Variants in SERPINH1 observed in about 807,000 individuals in gnomAD.
SERPINH1 encodes the protein serpin H1.
Under a neutral mutation model 32.3 loss-of-function variants are expected in SERPINH1, and 22 were observed. The ratio of observed to expected loss-of-function variants is 0.68; its 90% CI spans 0.49 to 0.97. The LOEUF is 0.97. Among genes scored for constraint, SERPINH1 ranks in the 50% least tolerant of loss-of-function variants. The pLI, the probability that SERPINH1 is intolerant of heterozygous loss-of-function variation, is 0.00. For synonymous variants in SERPINH1, 251 were observed against 245.9 expected (o/e 1.02, Z -0.19); for missense variants, 543 against 576.4 (o/e 0.94, Z 0.59).
Position 75,566,946 on chromosome 11 carries a change from G to A in SERPINH1, c.597G>A (p.Leu199=). ...ACGTGGAGCGCACGGACGGCGCCCT[G>A]CTAGTCAACGCCATGTTCTTCAAGC... ...TKDVERTDGA[L]LVNAMFFKPH... is the part of the protein sequence containing the mutation. Residue 199 remains leucine (L), a synonymous_variant, in exon 2 of 5, where the codon CTG becomes CTA. Transcript: ENST00000358171. 1 of 1,602,014 alleles carries A rather than the reference G, an allele frequency of 6.2e-7. No homozygotes were observed. Among genetic ancestry groups the A allele is most frequent in the Non-Finnish European group, 8.5e-7 (1 of 1,179,090 alleles).
chr11:75,566,261 G>T, intron 1 of SERPINH1, 55 bp from the exon 2 acceptor site: 1 of 1,475,562 alleles, frequency 6.8e-7, no homozygotes, highest in Non-Finnish European at 9.3e-7. Context: ...GAGGGTGGTT[G>T]TTGGGGAGGA....
chr11:75,566,850 CAGCGCGCTGCAGTCCATCAACGAGT>C lies in SERPINH1; in HGVS notation c.502_526del (p.Ser168GlyfsTer25). 2 of 1,612,024 alleles carry C rather than the reference CAGCGCGCTGCAGTCCATCAACGAGT, an allele frequency of 1.2e-6. No individual in the cohort carries two copies. The highest frequency in any genetic ancestry group is 2.2e-5 in the South Asian group (2 of 91,090). On this transcript the variant is annotated frameshift_variant, in exon 2 of 5. Coordinates refer to ENST00000358171, the MANE Select transcript of SERPINH1 (RefSeq NM_001235.5). LOFTEE classifies it high-confidence loss of function. ...CCAAGATCAACTTCCGCGACAAGCG[CAGCGCGCTGCAGTCCATCAACGAGT>C]GGGCCGCGCAGACCACCGACGGCAA...
intron 1 of SERPINH1, among the ~76,000 whole-genome samples, chr11:75,564,270 G>A (rs1362382933): frequency 6.6e-6 from 1 of 152,240 alleles, no homozygotes; most frequent in Non-Finnish European, 1.5e-5. Flanking sequence ...GGCCTAGCGG[G>A]CTGCCTGAGG....
chr11:75,568,365 G>A, intron 2 of SERPINH1: 1 of 370,550 alleles, frequency 2.7e-6, no homozygotes, highest in Non-Finnish European at 5.2e-6. Flanking sequence ...CTGTCCCCCA[G>A]GTACCAGGGA....
At chr11:75,564,052 G>A (rs1942030403) in intron 1 of SERPINH1, among the ~76,000 whole-genome samples, 1 of 152,220 alleles carries the variant, frequency 6.6e-6, no homozygotes, top group South Asian at 2.1e-4. Flanking sequence ...CTCCCCAGTA[G>A]CGCATTTCCC....
chr11:75,568,945 A>G lies in SERPINH1; in HGVS notation c.728A>G (p.Tyr243Cys). 1.2e-6 allele frequency: 2 copies of G among 1,613,918 alleles called. No individual in the cohort carries two copies. The highest frequency in any genetic ancestry group is 1.7e-6 in the Non-Finnish European group (2 of 1,179,974). Residue 243 changes from tyrosine to cysteine, a missense_variant, in exon 4 of 5, where the codon TAC becomes TGC. Tyr to Cys is a radical substitution (Grantham distance 194). This residue lies in a region of SERPINH1 where 427 missense variants were observed against 446.4 expected (regional missense o/e 0.96). Transcript: ENST00000358171. ...CTTTCCGCTCCTCTCCCAGGCCTCT[A>G]CAACTACTACGACGACGAGAAGGAA... ...GVMMMHRTGL[Y>C]NYYDDEKEKL...
At chr11:75,570,427 C>G (rs74913812) in intron 4 of SERPINH1, among the ~76,000 whole-genome samples, 4,467 of 152,278 alleles carry the variant, frequency 0.029, 229 homozygotes, top group African/African-American at 0.1. Context: ...AGCCCCTTCT[C>G]CAGTGGCTGT....
At chr11:75,565,974 G>C (rs542259315) in intron 1 of SERPINH1, among the ~76,000 whole-genome samples, 94 of 152,364 alleles carry the variant, frequency 6.2e-4, no homozygotes, top group African/African-American at 2.0e-3. Context: ...GGGAGATATA[G>C]TGGCAACCAG....
In SERPINH1 at chr11:75,566,849, G is replaced by T; in HGVS notation, c.500G>T (p.Arg167Leu). 1 of 1,611,926 alleles carries T rather than the reference G, an allele frequency of 6.2e-7. No individual in the cohort carries two copies. Among genetic ancestry groups the T allele is most frequent in the South Asian group, 1.1e-5 (1 of 91,090 alleles). Residue 167 changes from arginine to leucine, a missense_variant, in exon 2 of 5, where the codon CGC becomes CTC. Coordinates refer to ENST00000358171, the MANE Select transcript of SERPINH1 (RefSeq NM_001235.5). ...EHSKINFRDK[R>L]SALQSINEWA... ...TCCAAGATCAACTTCCGCGACAAGC[G>T]CAGCGCGCTGCAGTCCATCAACGAG... is the stretch of plus-strand genomic sequence containing the variant.
At chr11:75,563,274 C>T (rs1292553296) in intron 1 of SERPINH1, 2 of 152,354 alleles carry the variant, frequency 1.3e-5, no homozygotes, top group African/African-American at 4.8e-5. Flanking sequence ...CCGCTGGTCC[C>T]TCTGGGCTGT....
rs759842764 is a variant in SERPINH1, at chr11:75,566,520, C to T, written c.171C>T (p.Ala57=). ...GCCTGGCCTTCAGCTTGTACCAGGCCATGGCCAAGGACCAGGCAGTGGAGA... is the reference window on the plus strand; with the variant it reads ...GCCTGGCCTTCAGCTTGTACCAGGCTATGGCCAAGGACCAGGCAGTGGAGA... ...SAGLAFSLYQ[A]MAKDQAVENI... is the part of the protein sequence containing the mutation. The change falls in exon 2 of 5, where the codon GCC becomes GCT. Residue 57 remains alanine, a synonymous_variant. Coordinates refer to ENST00000358171, the MANE Select transcript of SERPINH1 (RefSeq NM_001235.5). The T allele has an allele frequency of 6.2e-7, 1 of 1,612,326 alleles. No individual in the cohort carries two copies. Among genetic ancestry groups the T allele is most frequent in the South Asian group, 1.1e-5 (1 of 90,974 alleles).
rs1428327951 is a variant in SERPINH1, at chr11:75,566,340, C to T, written c.-10C>T. On this transcript the variant is annotated 5_prime_UTR_variant, in exon 2 of 5. Coordinates refer to ENST00000358171, the MANE Select transcript of SERPINH1 (RefSeq NM_001235.5). The stretch of plus-strand genomic sequence containing the variant: ...GGCCCACCGTGGTGCACGCAAACCA[C>T]TTCCTGGCCATGCGCTCCCTCCTGC... 2 of 1,606,378 alleles carry T rather than the reference C, an allele frequency of 1.2e-6. No individual in the cohort carries two copies. Among genetic ancestry groups the T allele is most frequent in the Admixed American group, 1.7e-5 (1 of 59,054 alleles).
chr11:75,570,529 G>T (rs1205302741), intron 4 of SERPINH1, among the ~76,000 whole-genome samples: 3 of 152,208 alleles, frequency 2.0e-5, no homozygotes, highest in African/African-American at 7.2e-5. Flanking sequence ...GATTGAGTTA[G>T]GAAATTTGAG....
In SERPINH1 at chr11:75,572,010, C is replaced by T; in HGVS notation, c.1184C>T (p.Thr395Ile). Residue 395 changes from threonine (T) to isoleucine (I), a missense_variant, in exon 5 of 5, where the codon ACC becomes ATC. Coordinates refer to ENST00000358171, the MANE Select transcript of SERPINH1 (RefSeq NM_001235.5). ...CCCTTCATCTTCCTAGTGCGGGACA[C>T]CCAAAGCGGCTCCCTGCTATTCATT... The part of the protein sequence containing the change: ...DHPFIFLVRD[T>I]QSGSLLFIGR... 2 of 1,614,212 alleles carry T rather than the reference C, an allele frequency of 1.2e-6. No individual in the cohort carries two copies. The highest frequency in any genetic ancestry group is 1.7e-6 in the Non-Finnish European group (2 of 1,180,046).
intron 2 of SERPINH1, 24 bp downstream of exon 2, chr11:75,566,995 GTCC>G (rs35462148): frequency 3.9e-6 from 6 of 1,546,590 alleles, no homozygotes; most frequent in South Asian, 1.1e-5. Context: ...GCGTTCAGGG[GTCC>G]TCCTCCTCCT....
intron 1 of SERPINH1, chr11:75,563,439 A>ATT: frequency 6.7e-6 from 1 of 150,212 alleles, no homozygotes; most frequent in Non-Finnish European, 1.5e-5. Context: ...CCCAGCAGAG[A>ATT]TTTTTTTTTT....
intron 1 of SERPINH1, among the ~76,000 whole-genome samples, 161 bp from the exon 2 acceptor site, chr11:75,566,155 C>G (rs367628434): frequency 8.5e-5 from 13 of 152,330 alleles, no homozygotes; most frequent in African/African-American, 3.1e-4. Context: ...TAACAGAGGC[C>G]TCTGAGAGGC....
At position 75,572,090 on chromosome 11, in the gene SERPINH1, A is replaced by G; in HGVS notation, c.*7A>G. ...GATGCGAGACGAGTTATAGGGCCTC[A>G]GGGTGCACACAGGATGGCAGGAGGC... On this transcript the variant is annotated 3_prime_UTR_variant, in exon 5 of 5. Coordinates refer to ENST00000358171, the MANE Select transcript of SERPINH1 (RefSeq NM_001235.5). The G allele has an allele frequency of 6.2e-7, 1 of 1,610,306 alleles. No homozygotes were observed. Among genetic ancestry groups the G allele is most frequent in the Non-Finnish European group, 8.5e-7 (1 of 1,177,666 alleles).
intron 2 of SERPINH1, 36 bp downstream of exon 2, chr11:75,567,007 C>CTCT: frequency 6.3e-7 from 1 of 1,585,010 alleles, no homozygotes; most frequent in Non-Finnish European, 8.5e-7. Flanking sequence ...CCTCCTCCTC[C>CTCT]TCCCAGGACC....
Sources: gnomAD v4.1 joint callset for allele counts (sites outside exome capture counted in the v4.1 genomes callset) on GRCh38, gnomAD v4.1.1 for gene constraint, gnomAD v4.1.1 regional missense constraint, MANE v1.5 for transcripts, NCBI Gene and HGNC (gene_info 2026-07-23, HGNC 2026-07-21) for gene names.